USP3: variants seen among roughly 807,000 people sequenced by gnomAD.
USP3 encodes the protein ubiquitin specific peptidase 3.
A neutral mutation model predicts 72.3 loss-of-function variants in USP3; 20 were observed. The observed-to-expected ratio is 0.28, with a 90% CI of 0.19 to 0.40. USP3 has a LOEUF of 0.40. USP3 is among the 10% of genes least tolerant of loss of function. The pLI, the probability that USP3 is intolerant of heterozygous loss-of-function variation, is 1.00. For missense variants in USP3, 479 were observed against 633.9 expected, an observed-to-expected ratio of 0.76 and a Z score of 2.62; for synonymous variants, 222 against 225.3, an observed-to-expected ratio of 0.99 and a Z score of 0.13.
chr15:63,549,884 A>T (rs2066411959), intron 3 of USP3, among the ~76,000 whole-genome samples: 1 of 152,246 alleles, frequency 6.6e-6, no homozygotes, highest in African/African-American at 2.4e-5. Flanking sequence ...AATCTTTGCA[A>T]AACTCTTCCT....
chr15:63,506,838 TG>T (rs1396666940), intron 1 of USP3, among the ~76,000 whole-genome samples: 6 of 152,232 alleles, frequency 3.9e-5, no homozygotes, highest in Non-Finnish European at 5.9e-5. Context: ...TACTTGGATT[TG>T]TAGAACCAAT....
At chr15:63,508,815 A>C (rs994019396) in intron 1 of USP3, among the ~76,000 whole-genome samples, 5 of 152,202 alleles carry the variant, frequency 3.3e-5, no homozygotes, top group African/African-American at 1.2e-4. Context: ...ATTTAGTAGG[A>C]TAGGCATGCT....
intron 1 of USP3, among the ~76,000 whole-genome samples, chr15:63,508,521 A>G (rs1266336652): frequency 6.6e-6 from 1 of 152,194 alleles, no homozygotes; most frequent in Non-Finnish European, 1.5e-5. Flanking sequence ...AGGCTGATTT[A>G]TGTCTAATTG....
chr15:63,567,547 C>T (rs1186875314), intron 8 of USP3, among the ~76,000 whole-genome samples: 2 of 151,876 alleles, frequency 1.3e-5, no homozygotes, highest in African/African-American at 2.4e-5. Flanking sequence ...GGGGTTTCAC[C>T]GTGTTAGCCA....
chr15:63,552,791 A>T (rs568104608), intron 3 of USP3, among the ~76,000 whole-genome samples: 25 of 152,152 alleles, frequency 1.6e-4, no homozygotes, highest in African/African-American at 5.8e-4. Flanking sequence ...GGAATCTGCT[A>T]GAGATGACCT....
At chr15:63,580,679 A>AAT (rs372748392) in intron 11 of USP3, among the ~76,000 whole-genome samples, 4 of 88,236 alleles carry the variant, frequency 4.5e-5, no homozygotes, top group Non-Finnish European at 9.3e-5. Flanking sequence ...ATGAATATAT[A>AAT]ATATATATGC....
chr15:63,566,238 C>G (rs1048335462), intron 8 of USP3, among the ~76,000 whole-genome samples: 2 of 151,422 alleles, frequency 1.3e-5, no homozygotes, highest in Admixed American at 6.6e-5. Context: ...TTTGCTTGCT[C>G]TTCTCAGGTT....
chr15:63,527,252 T>A (rs1333706289), intron 1 of USP3, among the ~76,000 whole-genome samples: 1 of 152,182 alleles, frequency 6.6e-6, no homozygotes, highest in East Asian at 1.9e-4. Flanking sequence ...CTACTCTTCA[T>A]TTTACACTAA....
chr15:63,522,216 A>C (rs1465434575), intron 1 of USP3, among the ~76,000 whole-genome samples: 1 of 152,228 alleles, frequency 6.6e-6, no homozygotes, highest in African/African-American at 2.4e-5. Context: ...TGTTCCAGCT[A>C]GTGAACATTG....
At chr15:63,559,267 A>G (rs2066564917) in intron 6 of USP3, among the ~76,000 whole-genome samples, 2 of 152,226 alleles carry the variant, frequency 1.3e-5, no homozygotes, top group Admixed American at 6.5e-5. Flanking sequence ...TAAGTTTTGT[A>G]GAATAAATTA....
At chr15:63,535,006 A>G (rs1225894574) in intron 2 of USP3, among the ~76,000 whole-genome samples, 1 of 152,000 alleles carries the variant, frequency 6.6e-6, no homozygotes, top group Non-Finnish European at 1.5e-5. Flanking sequence ...ATCTCGGCTC[A>G]CTGCAACCTC....
At chr15:63,516,463 G>A (rs1467974191) in intron 1 of USP3, among the ~76,000 whole-genome samples, 1 of 152,088 alleles carries the variant, frequency 6.6e-6, no homozygotes, top group Non-Finnish European at 1.5e-5. Flanking sequence ...TTTCTCACAG[G>A]AGGTAATTTT....
At chr15:63,564,210 G>A (rs2066651562) in intron 8 of USP3, among the ~76,000 whole-genome samples, 1 of 152,064 alleles carries the variant, frequency 6.6e-6, no homozygotes, top group Admixed American at 6.6e-5. Context: ...GCCACCCACT[G>A]GGTATTTTTT....
Position 63,570,493 on chromosome 15 carries a change from G to A in USP3, c.822G>A (p.Leu274=). 1 of 1,614,184 alleles carries A rather than the reference G, an allele frequency of 6.2e-7. No individual in the cohort carries two copies. Among genetic ancestry groups the A allele is most frequent in the Non-Finnish European group, 8.5e-7 (1 of 1,180,028 alleles). Residue 274 remains leucine, a synonymous_variant, in exon 9 of 15, where the codon TTG becomes TTA. Coordinates refer to ENST00000380324, the MANE Select transcript of USP3 (RefSeq NM_006537.4). This position sits in a 1 kb window ranked among gnomAD's most constrained non-coding sequence, Gnocchi z 4.4. ...GCTACCTTTTGGACCACCTACACTT[G>A]GAACTTCAGGGCGGTTTCAACGGTG... ...FMRYLLDHLH[L]ELQGGFNGVS...
intron 6 of USP3, among the ~76,000 whole-genome samples, chr15:63,558,563 C>T (rs139303581): frequency 1.9e-4 from 28 of 150,228 alleles, no homozygotes; most frequent in Admixed American, 5.3e-4. Context: ...CCCCACCCCC[C>T]CGCTCTTTAT....
At chr15:63,539,348 G>A (rs559938424) in intron 3 of USP3, among the ~76,000 whole-genome samples, 1 of 152,176 alleles carries the variant, frequency 6.6e-6, no homozygotes, top group South Asian at 2.1e-4. Flanking sequence ...GCTTAATGGA[G>A]GACTTTGGAA....
chr15:63,534,499 T>TAAGA (rs2066125666), intron 2 of USP3, among the ~76,000 whole-genome samples: 2 of 152,206 alleles, frequency 1.3e-5, no homozygotes, highest in Non-Finnish European at 2.9e-5. Context: ...TTTCCTCTTG[T>TAAGA]GCTGTAGACC....
In USP3 at chr15:63,556,716, T is replaced by C. The variant is rs1261792146; in HGVS notation, c.418T>C (p.Ser140Pro). The change falls in exon 5 of 15, where the codon TCA becomes CCA. Residue 140 changes from serine to proline, a missense_variant. Physicochemically the swap from Ser to Pro is moderately conservative, Grantham distance 74 (BLOSUM62 -1). Coordinates refer to ENST00000380324, the MANE Select transcript of USP3 (RefSeq NM_006537.4). The part of the protein sequence containing the change: ...RHKKRKLLEN[S>P]TLNSKLLKVN... ...TAAGAAAAGAAAACTTTTGGAAAAC[T>C]CAACACTAAACAGCAAGTTATTAAA... 1 of 1,608,040 alleles carries C rather than the reference T, an allele frequency of 6.2e-7. No homozygotes were observed. The highest frequency in any genetic ancestry group is 8.5e-7 in the Non-Finnish European group (1 of 1,177,600).
chr15:63,566,903 A>G (rs1339263362), intron 8 of USP3, among the ~76,000 whole-genome samples: 1 of 152,198 alleles, frequency 6.6e-6, no homozygotes, highest in Admixed American at 6.5e-5. Context: ...CAACAACTTT[A>G]GAATTCTTTT....
Sources: gnomAD v4.1 joint callset for allele counts (sites outside exome capture counted in the v4.1 genomes callset) on GRCh38, gnomAD v4.1.1 for gene constraint, Gnocchi (gnomAD v3.1) non-coding constraint, MANE v1.5 for transcripts, NCBI Gene and HGNC (gene_info 2026-07-23, HGNC 2026-07-21) for gene names.